PRR5: variants seen among roughly 807,000 people sequenced by gnomAD.
The protein encoded by PRR5 is proline-rich protein 5.
Under a neutral mutation model 30.6 loss-of-function variants are expected in PRR5, and 25 were observed. That is an observed-to-expected ratio of 0.82 (90% CI 0.60 to 1.14). The LOEUF is 1.14. Among genes scored for constraint, PRR5 ranks in the 50% most tolerant of loss-of-function variants. The pLI is 0.00. For synonymous variants in PRR5, 286 were observed against 247.1 expected, an observed-to-expected ratio of 1.16 and a Z score of -1.48; for missense variants, 600 against 547.1, an observed-to-expected ratio of 1.10 and a Z score of -0.96.
intron 2 of PRR5, among the ~76,000 whole-genome samples, chr22:44,716,331 C>T (rs906229758): frequency 1.3e-5 from 2 of 152,186 alleles, no homozygotes; most frequent in Non-Finnish European, 2.9e-5. Flanking sequence ...GGAATAATAG[C>T]AGGGTCTTTT....
At chr22:44,696,508 G>T (rs1044517978) in intron 1 of PRR5, among the ~76,000 whole-genome samples, 2 of 152,254 alleles carry the variant, frequency 1.3e-5, no homozygotes, top group South Asian at 4.1e-4. Flanking sequence ...TAAGACCAGG[G>T]ACCTGCTGGC....
chr22:44,737,196 C>T lies in PRR5; in HGVS notation c.1116C>T (p.Gly372=). 2 of 1,611,336 alleles carry T rather than the reference C, an allele frequency of 1.2e-6. No homozygotes were observed. The highest frequency in any genetic ancestry group is 1.7e-6 in the Non-Finnish European group (2 of 1,178,826). The change falls in exon 8 of 8, where the codon GGC becomes GGT. Residue 372 remains glycine, a synonymous_variant. Transcript: ENST00000336985. ...GIFIDFGRGR[G]SGMSDLEGSG... is the part of the protein sequence containing the mutation. ...TCATTGACTTTGGCCGGGGCCGGGG[C>T]TCTGGCATGTCCGACTTGGAGGGCT... is the stretch of plus-strand genomic sequence containing the variant.
At chr22:44,708,427 C>G (rs761586783) in intron 1 of PRR5, among the ~76,000 whole-genome samples, 133 of 152,072 alleles carry the variant, frequency 8.7e-4, no homozygotes, top group Admixed American at 2.5e-3. Flanking sequence ...AAGGCAGGGC[C>G]CTAAAGGACC....
rs1177612674 is a variant in PRR5 at position 44,737,508 on chromosome 22, C to A, written c.*261C>A. ...AGAGACGGGGGTCGGCCGCTCGCTCCCACGCTCCTCCTGCCCCAGCCCTCT... is the reference window on the plus strand; with the variant it reads ...AGAGACGGGGGTCGGCCGCTCGCTCACACGCTCCTCCTGCCCCAGCCCTCT... On this transcript the variant is annotated 3_prime_UTR_variant, in exon 8 of 8. Coordinates refer to ENST00000336985, the MANE Select transcript of PRR5 (RefSeq NM_181333.4). The A allele has an allele frequency of 3.5e-6, 2 of 566,442 alleles. No homozygotes were observed. The highest frequency in any genetic ancestry group is 5.8e-6 in the Non-Finnish European group (2 of 346,146). The allele number at this position is 566,442 out of a possible 1,614,324, so 35.1% of individuals were successfully genotyped here. A position where few individuals can be genotyped will look rare whatever the true frequency, so the allele number is the denominator to read the frequency against.
intron 7 of PRR5, among the ~76,000 whole-genome samples, chr22:44,736,020 C>T (rs547759308): frequency 3.3e-5 from 5 of 152,206 alleles, no homozygotes; most frequent in Non-Finnish European, 7.4e-5. Flanking sequence ...TGTGTGTCGC[C>T]CGCCACCTGG....
intron 7 of PRR5, 130 bp downstream of exon 7, chr22:44,735,292 G>A (rs1602105943): frequency 7.6e-7 from 1 of 1,307,806 alleles, no homozygotes; most frequent in Admixed American, 2.6e-5. Context: ...CAGCCGGGCA[G>A]CAGCCCCCAG....
At chr22:44,676,261 T>G (rs1435898421), upstream of PRR5, among the ~76,000 whole-genome samples, 2 of 150,908 alleles carry the variant, frequency 1.3e-5, no homozygotes, top group African/African-American at 4.9e-5. Flanking sequence ...CATGGTGGCA[T>G]GCACTTGTGG....
chr22:44,704,894 T>G (rs953492813), intron 1 of PRR5, among the ~76,000 whole-genome samples: 2 of 152,182 alleles, frequency 1.3e-5, no homozygotes, highest in African/African-American at 4.8e-5. Flanking sequence ...GAGTGGAAAC[T>G]GCAGGGAGCA....
upstream of PRR5, among the ~76,000 whole-genome samples, chr22:44,673,897 C>A (rs1569058694): frequency 6.6e-6 from 1 of 152,128 alleles, no homozygotes; most frequent in Non-Finnish European, 1.5e-5. Flanking sequence ...AAATGCTCAA[C>A]AAAGAGGACA....
rs1335042981 is a variant in PRR5, at chr22:44,691,540, G to A, written c.-10-10952G>A. 6.6e-6 allele frequency among the ~76,000 whole-genome samples: 1 copy of A among 152,298 alleles called. No individual in the cohort carries two copies. The highest frequency in any genetic ancestry group is 1.9e-4 in the East Asian group (1 of 5,170). ...GGGAGGCCGAGCAGTTTGGGAGGCCGAGGCGGGTAGATCACCTGAGGTCAG... is the reference window on the plus strand; with the variant it reads ...GGGAGGCCGAGCAGTTTGGGAGGCCAAGGCGGGTAGATCACCTGAGGTCAG... On this transcript the variant is annotated intron_variant, in intron 1 of 8. Transcript: ENST00000006251. This position sits in a 1 kb window ranked among gnomAD's most constrained non-coding sequence, Gnocchi z 4.4.
chr22:44,721,110 T>C (rs1386040749), intron 2 of PRR5, among the ~76,000 whole-genome samples: 1 of 152,198 alleles, frequency 6.6e-6, no homozygotes, highest in East Asian at 1.9e-4. Flanking sequence ...GGACCCTCTG[T>C]TACCGGTGGA....
intron 1 of PRR5, among the ~76,000 whole-genome samples, chr22:44,683,822 G>A (rs933619184): frequency 1.3e-5 from 2 of 152,290 alleles, no homozygotes; most frequent in South Asian, 2.1e-4. Context: ...AAGCCTACTC[G>A]CGAGCCACCC....
At chr22:44,709,374 G>A (rs922053167) in intron 1 of PRR5, among the ~76,000 whole-genome samples, 1 of 152,204 alleles carries the variant, frequency 6.6e-6, no homozygotes, top group Non-Finnish European at 1.5e-5. Context: ...GAGATGCAGT[G>A]ACGGGCACAG....
intron 1 of PRR5, among the ~76,000 whole-genome samples, chr22:44,705,061 C>G (rs894431921): frequency 6.6e-6 from 1 of 152,178 alleles, no homozygotes; most frequent in African/African-American, 2.4e-5. Flanking sequence ...AGACACACCC[C>G]CTTTTATCTG....
At chr22:44,676,510 T>TG (rs1195345319), upstream of PRR5, among the ~76,000 whole-genome samples, 1 of 148,744 alleles carries the variant, frequency 6.7e-6, no homozygotes, top group Non-Finnish European at 1.5e-5. Flanking sequence ...ACAGCAGAAA[T>TG]GGAGGATCCA....
intron 4 of PRR5, chr22:44,730,225 C>A: frequency 2.0e-6 from 2 of 985,312 alleles, no homozygotes; most frequent in African/African-American, 3.5e-5. Context: ...CTCCGCATTC[C>A]CATGGAAACC....
At chr22:44,670,868 T>C (rs114741121) in intron 1 of PRR5, among the ~76,000 whole-genome samples, 2,986 of 152,190 alleles carry the variant, frequency 0.02, 73 homozygotes, top group African/African-American at 0.066. Context: ...CACCAGCCCC[T>C]CTCTGGGTGC....
chr22:44,683,928 C>G (rs12169183), intron 1 of PRR5, among the ~76,000 whole-genome samples: 13,665 of 152,288 alleles, frequency 0.09, 760 homozygotes, highest in East Asian at 0.27. Context: ...CAGCCCAATC[C>G]TTTGTCAGAA....
Position 44,726,646 on chromosome 22 carries a change from C to A in PRR5, c.322+12C>A. 1 of 1,613,986 alleles carries A rather than the reference C, an allele frequency of 6.2e-7. No homozygotes were observed. Among genetic ancestry groups the A allele is most frequent in the Non-Finnish European group, 8.5e-7 (1 of 1,180,020 alleles). ...TCGCTTCTATGAGGGTGAGTGTGGG[C>A]CCCTTGGCGGCCACTCTGGGCCATG... On this transcript the variant is annotated intron_variant, in intron 4 of 7. Transcript: ENST00000336985.
Sources: gnomAD v4.1 joint callset for allele counts (sites outside exome capture counted in the v4.1 genomes callset) on GRCh38, gnomAD v4.1.1 for gene constraint, Gnocchi (gnomAD v3.1) non-coding constraint, MANE v1.5 for transcripts, NCBI Gene and HGNC (gene_info 2026-07-23, HGNC 2026-07-21) for gene names.